The following EVC variants were observed in gnomAD, a reference collection of about 807,000 sequenced individuals.
EVC encodes EvC ciliary complex subunit 1, also known as evC complex member EVC.
In EVC, 116 loss-of-function variants were observed where a neutral mutation model predicts 118.9. The observed-to-expected ratio is 0.98, with a 90% CI of 0.84 to 1.14. EVC has a LOEUF of 1.14. Among genes scored for constraint, EVC ranks in the 50% most tolerant of loss-of-function variants. The pLI, the probability that EVC is intolerant of heterozygous loss-of-function variation, is 0.00. For synonymous variants in EVC, 619 were observed against 534.7 expected (o/e 1.16, Z -2.18); for missense variants, 1,401 against 1,246.4 (o/e 1.12, Z -1.87).
chr4:5,777,389 C>T (rs1734860525), intron 11 of EVC, among the ~76,000 whole-genome samples: 1 of 152,056 alleles, frequency 6.6e-6, no homozygotes, highest in Non-Finnish European at 1.5e-5. Flanking sequence ...TTACCAGGCC[C>T]CCACCCGTAA....
intron 12 of EVC, among the ~76,000 whole-genome samples, chr4:5,787,347 C>G (rs1023161901): frequency 6.6e-6 from 1 of 152,168 alleles, no homozygotes; most frequent in Non-Finnish European, 1.5e-5. Context: ...AGCAAAGGAT[C>G]GTGAGATGGG....
At chr4:5,782,418 CGGA>C (rs1485114411) in intron 11 of EVC, among the ~76,000 whole-genome samples, 1 of 96,666 alleles carries the variant, frequency 1.0e-5, no homozygotes, top group African/African-American at 4.2e-5. Context: ...TTTTTTGAGA[CGGA>C]GTCTCTCTGT....
chr4:5,741,974 A>G (rs1344069611), intron 6 of EVC, among the ~76,000 whole-genome samples, 160 bp downstream of exon 6: 1 of 152,230 alleles, frequency 6.6e-6, no homozygotes, highest in Non-Finnish European at 1.5e-5. Context: ...GTATACAAAT[A>G]TTTAAAAAGT....
the EVC span, chr4:5,825,329 C>A: frequency 1.0e-6 from 1 of 985,274 alleles, no homozygotes; most frequent in South Asian, 4.7e-5. This position sits in a 1 kb window ranked among gnomAD's most constrained non-coding sequence, Gnocchi z 4.4. Flanking sequence ...ACCATGCCAG[C>A]CCACTCTGCC....
At chr4:5,774,977 C>G (rs376807481) in intron 11 of EVC, among the ~76,000 whole-genome samples, 1 of 152,078 alleles carries the variant, frequency 6.6e-6, no homozygotes, top group Admixed American at 6.6e-5. Context: ...CAGACAGGAT[C>G]CAGCACATTT....
chr4:5,808,257 G>A lies in EVC; in HGVS notation c.2618G>A (p.Arg873His), dbSNP rs767972554. Residue 873 changes from arginine (R) to histidine (H), a missense_variant, in exon 18 of 21, where the codon CGT becomes CAT. Coordinates refer to ENST00000264956, the MANE Select transcript of EVC (RefSeq NM_153717.3). ...LAQFPVHQQM[R>H]LHAQQQQAGV... ...CAGTTCCCAGTGCACCAGCAGATGC[G>A]TCTGCACGCCCAGCAGCAGCAGGCA... is the stretch of plus-strand genomic sequence containing the variant. 3.0e-5 allele frequency: 49 copies of A among 1,611,872 alleles called. No homozygotes were observed. Among genetic ancestry groups the A allele is most frequent in the South Asian group, 7.7e-5 (7 of 90,952 alleles).
chr4:5,777,077 T>G (rs575363540), intron 11 of EVC, among the ~76,000 whole-genome samples: 1 of 152,272 alleles, frequency 6.6e-6, no homozygotes, highest in Non-Finnish European at 1.5e-5. Flanking sequence ...TCTCCTCATG[T>G]GTCTGTTTAT....
rs373088008 is a variant in EVC at position 5,756,300 on chromosome 4, C to G, written c.1501C>G (p.Gln501Glu). The G allele has an allele frequency of 3.7e-6, 6 of 1,612,872 alleles. No homozygotes were observed. The highest frequency in any genetic ancestry group is 2.7e-5 in the African/African-American group (2 of 74,860). ...HEVLERQRLMQCDLEEEENVR... is the reference protein window; with the variant it reads ...HEVLERQRLMECDLEEEENVR... ...GGTCCTGGAGAGGCAGAGGCTGATG[C>G]AGTGTGACCTGGAGGAAGAGGAGAA... Residue 501 changes from glutamine to glutamate, a missense_variant, in exon 11 of 21, where the codon CAG becomes GAG. Gln to Glu is a conservative substitution (Grantham distance 29). Coordinates refer to ENST00000264956, the MANE Select transcript of EVC (RefSeq NM_153717.3). This position sits in a 1 kb window ranked among gnomAD's most constrained non-coding sequence, Gnocchi z 4.2.
intron 13 of EVC, among the ~76,000 whole-genome samples, chr4:5,794,345 A>ATATATATTTATATATATTTATATATT (rs1560420154): frequency 2.1e-4 from 11 of 52,822 alleles, no homozygotes; most frequent in African/African-American, 4.5e-4. Context: ...TTATATACTT[A>ATATATATTTATATATATTTATATATT]TATATATATT....
At chr4:5,724,141 G>A (rs189603533) in intron 2 of EVC, among the ~76,000 whole-genome samples, 3 of 152,378 alleles carry the variant, frequency 2.0e-5, no homozygotes, top group East Asian at 1.9e-4. Flanking sequence ...CAAGCTGACA[G>A]ATGTGTGATA....
At chr4:5,722,415 A>G (rs1725108256) in intron 2 of EVC, among the ~76,000 whole-genome samples, 1 of 152,224 alleles carries the variant, frequency 6.6e-6, no homozygotes, top group African/African-American at 2.4e-5. Flanking sequence ...GCTTGTCAGA[A>G]TGCTTTTGCT....
At chr4:5,827,564 A>G in the EVC span, among the ~76,000 whole-genome samples, 1 of 152,180 alleles carries the variant, frequency 6.6e-6, no homozygotes, top group Non-Finnish European at 1.5e-5. Context: ...AGGACCACAC[A>G]GGTACACACA....
intron 7 of EVC, among the ~76,000 whole-genome samples, chr4:5,745,544 A>C (rs1729244574): frequency 6.6e-6 from 1 of 152,192 alleles, no homozygotes; most frequent in Non-Finnish European, 1.5e-5. Context: ...AGGGAGGTTT[A>C]TTTTTTATAT....
At chr4:5,794,424 C>T (rs1484241819) in intron 13 of EVC, among the ~76,000 whole-genome samples, 1 of 140,382 alleles carries the variant, frequency 7.1e-6, no homozygotes, top group Non-Finnish European at 1.5e-5. Context: ...TCTTTTTTCT[C>T]GAGACAGACT....
chr4:5,762,868 T>C (rs1172448830), intron 11 of EVC, among the ~76,000 whole-genome samples: 1 of 79,406 alleles, frequency 1.3e-5, no homozygotes, highest in East Asian at 4.6e-4. Flanking sequence ...TTCACTCTGA[T>C]GGTAGTTTCT....
chr4:5,749,248 C>T lies in EVC; in HGVS notation c.1098+942C>T, dbSNP rs1430908797. On this transcript the variant is annotated intron_variant, in intron 8 of 20. Transcript: ENST00000264956. This position sits in a 1 kb window ranked among gnomAD's most constrained non-coding sequence, Gnocchi z 4.4. ...TACAAACCCCTGGTGCATGGGTGTC[C>T]AACCTTTTGGCTTCCCTGGGCCACA... Among the ~76,000 whole-genome samples, 1 of 150,974 alleles carries T rather than the reference C, an allele frequency of 6.6e-6. No homozygotes were observed. The highest frequency in any genetic ancestry group is 1.5e-5 in the Non-Finnish European group (1 of 67,908).
chr4:5,798,688 C>A lies in EVC; in HGVS notation c.2200C>A (p.Gln734Lys). 1 of 1,605,752 alleles carries A rather than the reference C, an allele frequency of 6.2e-7. No individual in the cohort carries two copies. ...CCTGGCCGAGGCCCAGGAGGTGGGG[C>A]AGCTTCTGCAGCAGCACATGGAGTG... ...RLLAEAQEVG[Q>K]LLQQHMECAI... The change falls in exon 15 of 21, where the codon CAG becomes AAG. Residue 734 changes from glutamine (Q) to lysine (K), a missense_variant. Gln to Lys is a moderately conservative substitution (Grantham distance 53, BLOSUM62 1). Coordinates refer to ENST00000264956, the MANE Select transcript of EVC (RefSeq NM_153717.3). This position sits in a 1 kb window ranked among gnomAD's most constrained non-coding sequence, Gnocchi z 4.1.
intron 15 of EVC, among the ~76,000 whole-genome samples, chr4:5,799,909 A>G (rs944261413): frequency 3.9e-5 from 6 of 152,232 alleles, no homozygotes; most frequent in Admixed American, 1.3e-4. Flanking sequence ...AACTGTCCAC[A>G]TGTTACCTAA....
intron 11 of EVC, among the ~76,000 whole-genome samples, chr4:5,768,659 C>G (rs1481841251): frequency 6.6e-6 from 1 of 151,952 alleles, no homozygotes; most frequent in Non-Finnish European, 1.5e-5. Flanking sequence ...GAGTTCAAGA[C>G]TAGCCTGGCC....
Sources: gnomAD v4.1 joint callset for allele counts (sites outside exome capture counted in the v4.1 genomes callset) on GRCh38, gnomAD v4.1.1 for gene constraint, Gnocchi (gnomAD v3.1) non-coding constraint, MANE v1.5 for transcripts, NCBI Gene and HGNC (gene_info 2026-07-23, HGNC 2026-07-21) for gene names.